The following NDUFA5 variants were observed in gnomAD, a reference collection of about 807,000 sequenced individuals.
NDUFA5 encodes the protein NADH:ubiquinone oxidoreductase subunit A5, also known as NADH dehydrogenase [ubiquinone] 1 alpha subcomplex subunit 5.
A neutral mutation model predicts 19.8 loss-of-function variants in NDUFA5; 11 were observed. The observed-to-expected ratio is 0.56, with a 90% CI of 0.35 to 0.92. NDUFA5 has a LOEUF of 0.92. Ranked by LOEUF, NDUFA5 falls within the 40% of genes least tolerant of loss-of-function variation. The pLI, the probability that NDUFA5 is intolerant of heterozygous loss-of-function variation, is 0.01. For synonymous variants in NDUFA5, 47 were observed against 46.8 expected, an observed-to-expected ratio of 1.00 and a Z score of -0.01; for missense variants, 109 against 134.2, an observed-to-expected ratio of 0.81 and a Z score of 0.93.
the NDUFA5 span, among the ~76,000 whole-genome samples, chr7:123,566,330 C>G: frequency 6.6e-6 from 1 of 152,188 alleles, no homozygotes; most frequent in African/African-American, 2.4e-5. Flanking sequence ...GTCAATACCT[C>G]TATATTGGAC....
upstream of NDUFA5, among the ~76,000 whole-genome samples, chr7:123,562,470 G>A (rs770819524): frequency 7.9e-5 from 12 of 152,164 alleles, no homozygotes; most frequent in Non-Finnish European, 1.6e-4. Context: ...GTTTCCTGTG[G>A]TTATCTCCAT....
the NDUFA5 span, among the ~76,000 whole-genome samples, chr7:123,593,703 C>T: frequency 1.3e-4 from 20 of 152,144 alleles, 1 homozygote; most frequent in East Asian, 3.7e-3. Flanking sequence ...CTCTGGCTGC[C>T]CTTAACATTT....
chr7:123,563,391 A>T, the NDUFA5 span, among the ~76,000 whole-genome samples: 1 of 152,224 alleles, frequency 6.6e-6, no homozygotes, highest in Admixed American at 6.5e-5. Context: ...GCTAGAGCAG[A>T]AGGAGAGAGA....
intron 4 of NDUFA5, among the ~76,000 whole-genome samples, chr7:123,545,114 A>AT (rs1482347229): frequency 6.6e-6 from 1 of 152,066 alleles, no homozygotes; most frequent in African/African-American, 2.4e-5. Flanking sequence ...ACTCAATATT[A>AT]TTTGTCAGGG....
At position 123,550,495 on chromosome 7, in the gene NDUFA5, T is replaced by C; in HGVS notation, c.158A>G (p.Asn53Ser). Residue 53 changes from asparagine (N) to serine (S), a missense_variant, in exon 3 of 5, where the codon AAT (asparagine) becomes AGT (serine). Coordinates refer to ENST00000355749, the MANE Select transcript of NDUFA5 (RefSeq NM_005000.5). Reference protein sequence around the residue: ...AYRKYTEQITNEKLAMVKAEP... With the variant: ...AYRKYTEQITSEKLAMVKAEP... Reference sequence around the variant, plus strand: ...CGCTTTAACCATAGCCAGCTTCTCATTTGTAATCTGTTCTGTATACTTTCT... The same window carrying C: ...CGCTTTAACCATAGCCAGCTTCTCACTTGTAATCTGTTCTGTATACTTTCT... The C allele has an allele frequency of 5.0e-6, 8 of 1,607,408 alleles. No homozygotes were observed. The highest frequency in any genetic ancestry group is 6.8e-6 in the Non-Finnish European group (8 of 1,176,226).
At chr7:123,589,076 T>C in the NDUFA5 span, among the ~76,000 whole-genome samples, 39 of 151,816 alleles carry the variant, frequency 2.6e-4, no homozygotes, top group Admixed American at 2.2e-3. Flanking sequence ...TCATTTAGTC[T>C]AAAGTTCAAT....
chr7:123,578,686 C>T, the NDUFA5 span, among the ~76,000 whole-genome samples: 1 of 152,110 alleles, frequency 6.6e-6, no homozygotes, highest in African/African-American at 2.4e-5. Flanking sequence ...CATTCAATAG[C>T]TTAGTCTTTT....
At chr7:123,567,943 G>A in the NDUFA5 span, among the ~76,000 whole-genome samples, 1 of 151,834 alleles carries the variant, frequency 6.6e-6, no homozygotes, top group Non-Finnish European at 1.5e-5. Flanking sequence ...AAAATGATTT[G>A]GATTTTTACC....
rs552515008 is a variant in NDUFA5, at chr7:123,543,367, A to G, written c.250-1147T>C. On this transcript the variant is annotated intron_variant, in intron 4 of 4. Transcript: ENST00000355749. ...CAGCTGCACCTGGCCCCTGATGCCT[A>G]TTTCCTCCTTTCTGACACACCATCA... is the stretch of plus-strand genomic sequence containing the variant. 1.1e-3 allele frequency among the ~76,000 whole-genome samples: 167 copies of G among 152,096 alleles called. 3 individuals carry two copies. In the South Asian group the frequency reaches 0.015, roughly 14 times the overall value.
At chr7:123,573,573 C>T in the NDUFA5 span, among the ~76,000 whole-genome samples, 3 of 152,114 alleles carry the variant, frequency 2.0e-5, no homozygotes, top group Non-Finnish European at 4.4e-5. Context: ...CTCCCCCTGC[C>T]ATCCCAAACA....
At chr7:123,575,060 CTT>C in the NDUFA5 span, among the ~76,000 whole-genome samples, 1 of 133,676 alleles carries the variant, frequency 7.5e-6, no homozygotes, top group Non-Finnish European at 1.6e-5. Flanking sequence ...GGTATGTTTC[CTT>C]TTTTTTTTTT....
chr7:123,558,912 T>C (rs1160302054), upstream of NDUFA5, among the ~76,000 whole-genome samples: 1 of 152,026 alleles, frequency 6.6e-6, no homozygotes, highest in Non-Finnish European at 1.5e-5. Flanking sequence ...AGGCCTTTCA[T>C]TAGAGGCATG....
the NDUFA5 span, among the ~76,000 whole-genome samples, chr7:123,563,354 C>T: frequency 6.6e-6 from 1 of 152,136 alleles, no homozygotes; most frequent in Non-Finnish European, 1.5e-5. Flanking sequence ...CTAATTTCAA[C>T]ATTGTTGTAT....
the NDUFA5 span, among the ~76,000 whole-genome samples, chr7:123,591,592 G>A: frequency 6.6e-6 from 1 of 152,118 alleles, no homozygotes; most frequent in East Asian, 1.9e-4. Context: ...TTTATGTGAT[G>A]GATTACATTT....
chr7:123,557,510 A>T, intron 1 of NDUFA5, 62 bp from the exon 2 acceptor site: 1 of 1,612,460 alleles, frequency 6.2e-7, no homozygotes. Context: ...CCAGCACGCT[A>T]AGGAAATACA....
At chr7:123,557,206 G>C (rs1297618931) in intron 2 of NDUFA5, 198 bp downstream of exon 2, 6 of 778,918 alleles carry the variant, frequency 7.7e-6, no homozygotes, top group South Asian at 1.5e-5. Flanking sequence ...GCTTAATAAA[G>C]AGGTCATGGC....
At chr7:123,564,892 G>C in the NDUFA5 span, among the ~76,000 whole-genome samples, 1 of 147,690 alleles carries the variant, frequency 6.8e-6, no homozygotes, top group Non-Finnish European at 1.5e-5. Context: ...GAAGCATCTG[G>C]ACACACACAC....
chr7:123,556,721 T>C (rs776694402), intron 2 of NDUFA5: 3 of 393,710 alleles, frequency 7.6e-6, no homozygotes, highest in African/African-American at 6.8e-5. Flanking sequence ...ATGGAAAAAG[T>C]GTCAAATGTG....
At chr7:123,570,093 G>C in the NDUFA5 span, among the ~76,000 whole-genome samples, 1 of 144,782 alleles carries the variant, frequency 6.9e-6, no homozygotes, top group South Asian at 2.2e-4. Context: ...GGCTTGCAGT[G>C]GCACGATCTC....
Sources: gnomAD v4.1 joint callset for allele counts (sites outside exome capture counted in the v4.1 genomes callset) on GRCh38, gnomAD v4.1.1 for gene constraint, MANE v1.5 for transcripts, NCBI Gene and HGNC (gene_info 2026-07-23, HGNC 2026-07-21) for gene names.